The following SH2D4B variants were observed in gnomAD, a reference collection of about 807,000 sequenced individuals.
SH2D4B encodes SH2 domain-containing protein 4B.
SH2D4B carries 45 observed loss-of-function variants against 61.5 expected under a neutral mutation model. That is an observed-to-expected ratio of 0.73 (90% CI 0.58 to 0.94). The LOEUF (loss-of-function observed/expected upper bound fraction) is 0.94. Ranked by LOEUF, SH2D4B falls within the 40% of genes least tolerant of loss-of-function variation. The pLI is 0.00. For missense variants in SH2D4B, 572 were observed against 574.2 expected (o/e 1.00, Z 0.04); for synonymous variants, 224 against 220.4 (o/e 1.02, Z -0.14).
At chr10:80,598,033 G>C (rs1030241000) in intron 4 of SH2D4B, among the ~76,000 whole-genome samples, 41 of 152,196 alleles carry the variant, frequency 2.7e-4, no homozygotes, top group African/African-American at 8.9e-4. Flanking sequence ...ACAAAAAATC[G>C]TGAACCATTA....
intron 6 of SH2D4B, among the ~76,000 whole-genome samples, chr10:80,632,405 A>G (rs116404443): frequency 0.027 from 4,094 of 152,282 alleles, 192 homozygotes; most frequent in African/African-American, 0.094. Context: ...TTTATTCATC[A>G]ATGAAAAAGT....
intron 1 of SH2D4B, among the ~76,000 whole-genome samples, chr10:80,550,922 A>G (rs1422322616): frequency 1.3e-5 from 2 of 152,246 alleles, no homozygotes; most frequent in Non-Finnish European, 2.9e-5. Flanking sequence ...GATCAACACA[A>G]AAAAAGGAGA....
intron 5 of SH2D4B, among the ~76,000 whole-genome samples, chr10:80,606,047 A>T (rs1303741619): frequency 6.6e-6 from 1 of 152,128 alleles, no homozygotes; most frequent in Non-Finnish European, 1.5e-5. Context: ...CAGCAGGCCC[A>T]GGCAGTGAGA....
At chr10:80,611,854 C>T (rs1020259617) in intron 6 of SH2D4B, among the ~76,000 whole-genome samples, 1 of 141,164 alleles carries the variant, frequency 7.1e-6, no homozygotes, top group Non-Finnish European at 1.5e-5. Context: ...TTAAGTCTCA[C>T]AATTTATGTA....
chr10:80,603,171 G>C (rs944850992), intron 4 of SH2D4B, among the ~76,000 whole-genome samples: 1 of 152,100 alleles, frequency 6.6e-6, no homozygotes, highest in African/African-American at 2.4e-5. Flanking sequence ...TGAGCTGAGT[G>C]GGCAGAGGAT....
intron 6 of SH2D4B, among the ~76,000 whole-genome samples, chr10:80,632,129 A>G (rs544538677): frequency 1.3e-5 from 2 of 151,316 alleles, no homozygotes; most frequent in African/African-American, 4.9e-5. Flanking sequence ...TGTCTCCACA[A>G]AAAGTGTGGA....
intron 1 of SH2D4B, among the ~76,000 whole-genome samples, chr10:80,560,721 T>A (rs1238570741): frequency 1.0e-5 from 1 of 97,096 alleles, no homozygotes; most frequent in African/African-American, 4.8e-5. Context: ...TTTTTTTTTT[T>A]AGGATTTTGT....
At chr10:80,609,691 T>A in intron 6 of SH2D4B, 140 bp downstream of exon 6, 10 of 1,364,080 alleles carry the variant, frequency 7.3e-6, no homozygotes, top group South Asian at 1.3e-5. Context: ...CCTCTCCCAG[T>A]GGGAGTCCAG....
In SH2D4B at chr10:80,579,450, T is replaced by A. The variant is rs183317394; in HGVS notation, c.495+7872T>A. On this transcript the variant is annotated intron_variant, in intron 3 of 7. Transcript: ENST00000646907. ...ATAAAATTTGCATTTATTTCCCCCG[T>A]GCTTTCTTAACTCCTAAAATTGCTT... Among the ~76,000 whole-genome samples, 6 of 152,288 alleles carry A rather than the reference T, an allele frequency of 3.9e-5. No individual in the cohort carries two copies. In the East Asian group the frequency reaches 1.2e-3, roughly 29 times the overall value.
At chr10:80,602,174 G>T (rs1275850841) in intron 4 of SH2D4B, among the ~76,000 whole-genome samples, 1 of 152,196 alleles carries the variant, frequency 6.6e-6, no homozygotes, top group African/African-American at 2.4e-5. Flanking sequence ...CAAAAAGATG[G>T]AAGAGGTCGT....
chr10:80,613,916 A>G (rs1413634428), intron 6 of SH2D4B, among the ~76,000 whole-genome samples: 1 of 152,212 alleles, frequency 6.6e-6, no homozygotes, highest in Non-Finnish European at 1.5e-5. Context: ...TGCTGTTTGG[A>G]TGACAGCACA....
At chr10:80,626,994 A>T (rs767498205) in intron 6 of SH2D4B, among the ~76,000 whole-genome samples, 3 of 152,298 alleles carry the variant, frequency 2.0e-5, no homozygotes, top group Non-Finnish European at 2.9e-5. Flanking sequence ...AACTGGTTAT[A>T]ACAGGGTTGA....
At chr10:80,586,984 C>T (rs555802861) in intron 3 of SH2D4B, among the ~76,000 whole-genome samples, 1 of 152,192 alleles carries the variant, frequency 6.6e-6, no homozygotes, top group South Asian at 2.1e-4. Flanking sequence ...ACGAACCCAC[C>T]AGAAGGAAGA....
intron 3 of SH2D4B, among the ~76,000 whole-genome samples, chr10:80,577,691 G>A (rs1045950117): frequency 4.0e-5 from 6 of 151,808 alleles, no homozygotes; most frequent in Non-Finnish European, 7.4e-5. Context: ...CTCCCAAAGC[G>A]CCGGGATTAC....
At chr10:80,633,359 T>C (rs1842855335) in intron 6 of SH2D4B, among the ~76,000 whole-genome samples, 1 of 152,220 alleles carries the variant, frequency 6.6e-6, no homozygotes, top group Non-Finnish European at 1.5e-5. Context: ...TGAAATGAGT[T>C]TGAATACTTT....
chr10:80,546,046 C>CTTTTTT (rs577179576), intron 1 of SH2D4B, among the ~76,000 whole-genome samples: 1 of 130,422 alleles, frequency 7.7e-6, no homozygotes, highest in Non-Finnish European at 1.6e-5. Context: ...CTCTCTCTTT[C>CTTTTTT]TTTTTTTTTT....
At chr10:80,610,495 A>G (rs1033843616) in intron 6 of SH2D4B, among the ~76,000 whole-genome samples, 2 of 152,162 alleles carry the variant, frequency 1.3e-5, no homozygotes, top group Non-Finnish European at 2.9e-5. Context: ...GCTTCTCTGC[A>G]TTGAAAATCC....
At chr10:80,604,895 T>G (rs771232881) in intron 5 of SH2D4B, among the ~76,000 whole-genome samples, 3 of 151,754 alleles carry the variant, frequency 2.0e-5, no homozygotes, top group Non-Finnish European at 4.4e-5. Flanking sequence ...CCAGATTCAC[T>G]CCATTCTCCT....
intron 1 of SH2D4B, among the ~76,000 whole-genome samples, chr10:80,543,514 G>A (rs563092887): frequency 2.0e-5 from 3 of 152,208 alleles, no homozygotes; most frequent in Admixed American, 6.5e-5. Flanking sequence ...GTGGGCTCCT[G>A]TGCCGCCCAA....
Sources: gnomAD v4.1 joint callset for allele counts (sites outside exome capture counted in the v4.1 genomes callset) on GRCh38, gnomAD v4.1.1 for gene constraint, MANE v1.5 for transcripts, NCBI Gene and HGNC (gene_info 2026-07-23, HGNC 2026-07-21) for gene names.